The following GPHN variants were observed in gnomAD, a reference collection of about 807,000 sequenced individuals.
The protein encoded by GPHN is gephyrin.
Under a neutral mutation model 95.5 loss-of-function variants are expected in GPHN, and 17 were observed. That is an observed-to-expected ratio of 0.18 (90% confidence interval 0.12 to 0.27). The LOEUF is 0.27. Among genes scored for constraint, GPHN ranks in the 10% least tolerant of loss-of-function variants. The probability of loss-of-function intolerance (pLI) is 1.00; values close to 1 mark genes in which losing one functional copy is unlikely to be tolerated. For synonymous variants in GPHN, 320 were observed against 322.5 expected (o/e 0.99, Z 0.08); for missense variants, 660 against 978.1 (o/e 0.67, Z 4.34).
the GPHN span, among the ~76,000 whole-genome samples, chr14:67,625,266 G>A: frequency 5.9e-5 from 9 of 152,166 alleles, no homozygotes; most frequent in African/African-American, 1.9e-4. Flanking sequence ...ACATAGGACT[G>A]GATTTTTGCG....
At chr14:67,247,233 C>G in the GPHN span, among the ~76,000 whole-genome samples, 2 of 152,132 alleles carry the variant, frequency 1.3e-5, no homozygotes, top group Non-Finnish European at 2.9e-5. Flanking sequence ...GCAGATCTTG[C>G]AAATACTTTA....
At chr14:67,200,192 C>A in the GPHN span, 1 of 1,142,030 alleles carries the variant, frequency 8.8e-7, no homozygotes. Flanking sequence ...GGACTTCCTC[C>A]ACTGATGCCC....
the GPHN span, among the ~76,000 whole-genome samples, chr14:67,511,725 G>A: frequency 4.6e-5 from 7 of 152,184 alleles, no homozygotes; most frequent in Admixed American, 4.6e-4. Flanking sequence ...GCATCACTCT[G>A]TGACCTCCGC....
chr14:67,296,585 C>CAAAAAAAAAA, the GPHN span, among the ~76,000 whole-genome samples: 4 of 51,022 alleles, frequency 7.8e-5, no homozygotes, highest in Non-Finnish European at 1.3e-4. Flanking sequence ...AACTCTGTCT[C>CAAAAAAAAAA]AAAAAAAAAA....
At chr14:66,778,989 C>A (rs2059504557) in intron 3 of GPHN, among the ~76,000 whole-genome samples, 1 of 151,992 alleles carries the variant, frequency 6.6e-6, no homozygotes, top group South Asian at 2.1e-4. Flanking sequence ...GGTGATCCAT[C>A]TGCCTCGGCC....
the GPHN span, chr14:67,393,274 C>G: frequency 8.1e-6 from 12 of 1,480,488 alleles, no homozygotes; most frequent in South Asian, 1.4e-4. Context: ...GAGAGGGAAC[C>G]CTCATCACGC....
At chr14:67,610,296 G>T in the GPHN span, among the ~76,000 whole-genome samples, 5,485 of 152,162 alleles carry the variant, frequency 0.036, 264 homozygotes, top group African/African-American at 0.11. Flanking sequence ...TGTTTTTGTT[G>T]TGTATATTCT....
the GPHN span, chr14:67,561,993 C>T: frequency 1.1e-5 from 17 of 1,613,800 alleles, no homozygotes; most frequent in South Asian, 6.6e-5. Flanking sequence ...CCATAATCAG[C>T]GCCTGGTGGA....
chr14:67,395,642 A>G, the GPHN span: 1 of 1,527,170 alleles, frequency 6.5e-7, no homozygotes, highest in Admixed American at 1.8e-5. Flanking sequence ...GACGCCGGGC[A>G]GCAAAAATGA....
chr14:67,592,535 A>T, the GPHN span: 1 of 691,852 alleles, frequency 1.4e-6, no homozygotes, highest in Non-Finnish European at 2.6e-6. Flanking sequence ...CACTCAAAAC[A>T]GCTGTCAGGT....
intron 16 of GPHN, among the ~76,000 whole-genome samples, chr14:67,116,216 G>A (rs746944366): frequency 4.6e-5 from 7 of 151,742 alleles, no homozygotes; most frequent in African/African-American, 7.3e-5. Context: ...GTTACAGTGC[G>A]CAATGACCAT....
chr14:66,588,660 A>G (rs549855668), intron 1 of GPHN, among the ~76,000 whole-genome samples: 1 of 152,232 alleles, frequency 6.6e-6, no homozygotes, highest in South Asian at 2.1e-4. Flanking sequence ...AACTTAATGA[A>G]ATAAAGTGTG....
At chr14:67,351,601 T>C in the GPHN span, among the ~76,000 whole-genome samples, 1 of 152,118 alleles carries the variant, frequency 6.6e-6, no homozygotes, top group Non-Finnish European at 1.5e-5. Flanking sequence ...TTCAAACTCA[T>C]AGGCTCAGGC....
At chr14:67,324,239 CAG>C in the GPHN span, among the ~76,000 whole-genome samples, 1 of 152,166 alleles carries the variant, frequency 6.6e-6, no homozygotes, top group African/African-American at 2.4e-5. Flanking sequence ...TGGTTTGGAA[CAG>C]AAAAATTTTT....
chr14:66,602,211 T>A (rs2062284065), intron 1 of GPHN, among the ~76,000 whole-genome samples: 1 of 151,998 alleles, frequency 6.6e-6, no homozygotes, highest in African/African-American at 2.4e-5. Flanking sequence ...TGATCAGTGT[T>A]CTTCCATTCT....
At chr14:67,604,155 C>G in the GPHN span, among the ~76,000 whole-genome samples, 66 of 152,276 alleles carry the variant, frequency 4.3e-4, no homozygotes, top group African/African-American at 1.6e-3. Flanking sequence ...TTTTAGCTTT[C>G]TTACTGGGAT....
chr14:67,350,232 G>A, the GPHN span, among the ~76,000 whole-genome samples: 5 of 152,024 alleles, frequency 3.3e-5, no homozygotes, highest in South Asian at 1.0e-3. Flanking sequence ...ATACATATGT[G>A]TAAAAATGTT....
At chr14:67,555,949 C>T in the GPHN span, 52 of 1,586,934 alleles carry the variant, frequency 3.3e-5, no homozygotes, top group Middle Eastern at 1.9e-4. Flanking sequence ...CTTCCAGGCC[C>T]TTCCCACGGA....
chr14:67,646,211 A>G, the GPHN span, among the ~76,000 whole-genome samples: 1 of 152,190 alleles, frequency 6.6e-6, no homozygotes, highest in Non-Finnish European at 1.5e-5. Context: ...CCCCTCAGTG[A>G]GGGACCAAGT....
Sources: gnomAD v4.1 joint callset for allele counts (sites outside exome capture counted in the v4.1 genomes callset) on GRCh38, gnomAD v4.1.1 for gene constraint, MANE v1.5 for transcripts, NCBI Gene and HGNC (gene_info 2026-07-23, HGNC 2026-07-21) for gene names.